Variants in PTPRK observed in about 807,000 individuals in gnomAD.
PTPRK encodes receptor-type tyrosine-protein phosphatase kappa.
In PTPRK, 75 loss-of-function variants were observed where a neutral mutation model predicts 178.0. The observed-to-expected ratio is 0.42, with a 90% CI of 0.35 to 0.51. The LOEUF (loss-of-function observed/expected upper bound fraction) is 0.51, where lower values mean the gene tolerates loss of function less well. PTPRK is among the 20% of genes least tolerant of loss of function. PTPRK has a pLI of 0.02. For synonymous variants in PTPRK, 637 were observed against 620.6 expected, an observed-to-expected ratio of 1.03 and a Z score of -0.39; for missense variants, 1,441 against 1,797.8, an observed-to-expected ratio of 0.80 and a Z score of 3.59.
intron 1 of PTPRK, among the ~76,000 whole-genome samples, chr6:128,499,683 C>A (rs1855260956): frequency 6.6e-6 from 1 of 152,130 alleles, no homozygotes; most frequent in African/African-American, 2.4e-5. Context: ...TTTGGCCAGA[C>A]CCACAGTTAG....
Position 128,519,816 on chromosome 6 carries a change from C to G in PTPRK, c.100+443G>C, listed in dbSNP as rs949103821. Among the ~76,000 whole-genome samples the G allele has an allele frequency of 1.3e-5, 2 of 152,196 alleles. No homozygotes were observed. The highest frequency in any genetic ancestry group is 4.8e-5 in the African/African-American group (2 of 41,460). ...GGGACAAAAAGCACCTGGCAAAGCG[C>G]GCCGAGGTCAGTCCCTTCGAATCTC... On this transcript the variant is annotated intron_variant, in intron 1 of 29. Transcript: ENST00000368226. This position sits in a 1 kb window ranked among gnomAD's most constrained non-coding sequence, Gnocchi z 4.3.
At chr6:128,142,559 T>C (rs572741254) in intron 7 of PTPRK, among the ~76,000 whole-genome samples, 11 of 151,620 alleles carry the variant, frequency 7.3e-5, no homozygotes, top group Middle Eastern at 3.4e-3. Context: ...ATAATATATA[T>C]ATACACACAC....
chr6:128,337,909 A>G (rs1483812198), intron 2 of PTPRK, among the ~76,000 whole-genome samples: 1 of 152,192 alleles, frequency 6.6e-6, no homozygotes, highest in African/African-American at 2.4e-5. Context: ...CACTTGTGCA[A>G]AGGACCTAGA....
chr6:128,205,559 G>T (rs1806781157), intron 6 of PTPRK, among the ~76,000 whole-genome samples: 1 of 151,832 alleles, frequency 6.6e-6, no homozygotes, highest in Non-Finnish European at 1.5e-5. Flanking sequence ...TGAGGTCCAG[G>T]TCAGGAGTTT....
chr6:128,050,896 G>T (rs986042860), intron 13 of PTPRK, among the ~76,000 whole-genome samples: 2 of 152,078 alleles, frequency 1.3e-5, no homozygotes, highest in Non-Finnish European at 2.9e-5. Flanking sequence ...TCAAAATGAT[G>T]TTATTTCAGT....
At chr6:128,201,539 G>C (rs1284702300) in intron 6 of PTPRK, among the ~76,000 whole-genome samples, 1 of 152,074 alleles carries the variant, frequency 6.6e-6, no homozygotes, top group Non-Finnish European at 1.5e-5. Flanking sequence ...CACGTCTCCT[G>C]TTCCTGTATT....
intron 3 of PTPRK, among the ~76,000 whole-genome samples, chr6:128,303,517 C>T (rs1825944466): frequency 6.6e-6 from 1 of 152,154 alleles, no homozygotes; most frequent in African/African-American, 2.4e-5. Context: ...CTCTTCCATG[C>T]TACTGCCTAG....
At chr6:128,329,137 A>G (rs1829943736) in intron 2 of PTPRK, among the ~76,000 whole-genome samples, 1 of 152,196 alleles carries the variant, frequency 6.6e-6, no homozygotes, top group South Asian at 2.1e-4. Context: ...TTTAATATAC[A>G]TAAATCTTTT....
intron 1 of PTPRK, among the ~76,000 whole-genome samples, chr6:128,442,153 T>C (rs1846363647): frequency 6.6e-6 from 1 of 152,234 alleles, no homozygotes; most frequent in Non-Finnish European, 1.5e-5. Flanking sequence ...TACATTTGTT[T>C]AAAGTTTAAA....
At chr6:128,288,005 C>G (rs1822787341) in intron 3 of PTPRK, among the ~76,000 whole-genome samples, 1 of 152,188 alleles carries the variant, frequency 6.6e-6, no homozygotes, top group Admixed American at 6.6e-5. Flanking sequence ...CTCCAACTAA[C>G]TTGTCTTCCC....
In PTPRK at chr6:128,198,477, G is replaced by C. The variant is rs889107142; in HGVS notation, c.869-13752C>G. On this transcript the variant is annotated intron_variant, in intron 6 of 29. Coordinates refer to ENST00000368226, the MANE Select transcript of PTPRK (RefSeq NM_002844.4). ...TTATACACCATGGCCTGTTGTGGGG[G>C]TAGGGGGCTAGGGGAGGGATAGCAT... Among the ~76,000 whole-genome samples, 3 of 152,036 alleles carry C rather than the reference G, an allele frequency of 2.0e-5. 1 individual carries two copies. The highest frequency in any genetic ancestry group is 6.3e-3 in the Middle Eastern group (2 of 316).
At chr6:128,320,365 TA>T (rs757033625) in intron 3 of PTPRK, among the ~76,000 whole-genome samples, 3 of 152,144 alleles carry the variant, frequency 2.0e-5, no homozygotes, top group Non-Finnish European at 4.4e-5. Context: ...TGTTATTTCG[TA>T]GTTACGAGGA....
At chr6:128,173,748 A>G (rs1800641362) in intron 7 of PTPRK, among the ~76,000 whole-genome samples, 1 of 151,944 alleles carries the variant, frequency 6.6e-6, no homozygotes, top group Non-Finnish European at 1.5e-5. Context: ...CTGTCTCCTC[A>G]TTGGAATTCT....
intron 2 of PTPRK, among the ~76,000 whole-genome samples, chr6:128,324,125 G>T (rs539895076): frequency 1.1e-4 from 17 of 152,126 alleles, no homozygotes; most frequent in African/African-American, 4.1e-4. Flanking sequence ...GTTTGTTACT[G>T]GGCCTCAGCA....
intron 5 of PTPRK, among the ~76,000 whole-genome samples, 165 bp from the exon 6 acceptor site, chr6:128,219,261 C>T (rs765189043): frequency 1.6e-4 from 24 of 152,134 alleles, no homozygotes; most frequent in Non-Finnish European, 2.9e-4. Context: ...CTGGTATCCT[C>T]GAAAGCAGTG....
chr6:127,980,183 G>C (rs1478956035), intron 25 of PTPRK, among the ~76,000 whole-genome samples: 3 of 152,220 alleles, frequency 2.0e-5, no homozygotes, highest in African/African-American at 7.2e-5. Flanking sequence ...GGTGGTGCAT[G>C]CCTGTAGTCC....
chr6:128,415,003 T>C (rs1842686391), intron 1 of PTPRK, among the ~76,000 whole-genome samples: 1 of 152,312 alleles, frequency 6.6e-6, no homozygotes, highest in Non-Finnish European at 1.5e-5. Context: ...AGACAGCTAT[T>C]AATTGGTGAA....
At chr6:128,485,746 T>C (rs1311653829) in intron 1 of PTPRK, among the ~76,000 whole-genome samples, 1 of 152,204 alleles carries the variant, frequency 6.6e-6, no homozygotes, top group Non-Finnish European at 1.5e-5. Context: ...AGAGGGATGT[T>C]GACAAGTTCC....
At chr6:128,174,346 A>C (rs951746265) in intron 7 of PTPRK, among the ~76,000 whole-genome samples, 3 of 151,972 alleles carry the variant, frequency 2.0e-5, no homozygotes, top group Non-Finnish European at 4.4e-5. Context: ...CATTTGTAGC[A>C]CTTAAAATTT....
Sources: gnomAD v4.1 joint callset for allele counts (sites outside exome capture counted in the v4.1 genomes callset) on GRCh38, gnomAD v4.1.1 for gene constraint, Gnocchi (gnomAD v3.1) non-coding constraint, MANE v1.5 for transcripts, NCBI Gene and HGNC (gene_info 2026-07-23, HGNC 2026-07-21) for gene names.